The following USP15 variants were observed in gnomAD, a reference collection of about 807,000 sequenced individuals.
USP15 encodes the protein ubiquitin specific peptidase 15.
In USP15, 18 loss-of-function variants were observed where a neutral mutation model predicts 127.1. The observed-to-expected ratio is 0.14, with a 90% CI of 0.10 to 0.21. USP15 has a LOEUF of 0.21. USP15 is among the 10% of genes least tolerant of loss of function. The pLI is 1.00. For missense variants in USP15, 805 were observed against 1,159.9 expected (o/e 0.69, Z 4.44); for synonymous variants, 364 against 393.7 (o/e 0.92, Z 0.89).
chr12:62,317,784 A>T (rs1459316459), intron 4 of USP15, among the ~76,000 whole-genome samples: 1 of 152,210 alleles, frequency 6.6e-6, no homozygotes, highest in East Asian at 1.9e-4. Context: ...AGTAAAAATG[A>T]TAGCAGGCCA....
intron 1 of USP15, among the ~76,000 whole-genome samples, chr12:62,287,787 CCA>C (rs1329679616): frequency 6.6e-6 from 1 of 151,934 alleles, no homozygotes; most frequent in East Asian, 1.9e-4. Context: ...AAGTAGGGGC[CCA>C]GTTTCATTCT....
chr12:62,281,594 C>T (rs937393825), intron 1 of USP15, among the ~76,000 whole-genome samples: 17 of 152,178 alleles, frequency 1.1e-4, no homozygotes, highest in African/African-American at 3.9e-4. Flanking sequence ...CCATCTTGGC[C>T]TCCCACAGTG....
intron 8 of USP15, among the ~76,000 whole-genome samples, chr12:62,380,674 A>T (rs1044281703): frequency 8.5e-5 from 13 of 152,178 alleles, no homozygotes; most frequent in Admixed American, 5.9e-4. Context: ...TAGTCGTTGC[A>T]TATTATAGAC....
At chr12:62,288,316 T>C (rs1329232738) in intron 1 of USP15, among the ~76,000 whole-genome samples, 1 of 151,536 alleles carries the variant, frequency 6.6e-6, no homozygotes, top group East Asian at 1.9e-4. Context: ...TTTCACCTCC[T>C]TGATTAGATG....
In USP15 at chr12:62,404,314, A is replaced by G. The variant is rs778863963; in HGVS notation, c.2885A>G (p.Asp962Gly). 8.7e-6 allele frequency: 14 copies of G among 1,613,228 alleles called. No homozygotes were observed. Among genetic ancestry groups the G allele is most frequent in the Non-Finnish European group, 1.2e-5 (14 of 1,179,326 alleles). The change falls in exon 22 of 22, where the codon GAT becomes GGT. Residue 962 changes from aspartate (D) to glycine (G), a missense_variant. Asp to Gly is a moderately conservative substitution (Grantham distance 94). Transcript: ENST00000280377. The part of the protein sequence containing the change: ...SAATGIPLES[D>G]EDSNDNDNDI... ...GCCACTGGCATCCCATTAGAAAGTG[A>G]TGAAGATAGCAATGATAATGACAAT... is the stretch of plus-strand genomic sequence containing the variant.
chr12:62,380,429 T>A (rs952377515), intron 8 of USP15, among the ~76,000 whole-genome samples: 10 of 152,060 alleles, frequency 6.6e-5, no homozygotes, highest in Non-Finnish European at 1.0e-4. Context: ...CTGTGTGAAT[T>A]CAACAGGCTG....
intron 8 of USP15, among the ~76,000 whole-genome samples, chr12:62,379,013 A>C (rs2066911959): frequency 6.6e-6 from 1 of 152,070 alleles, no homozygotes; most frequent in Non-Finnish European, 1.5e-5. Flanking sequence ...GCTTTCATGG[A>C]GGTCTCAGTT....
chr12:62,408,572 T>A lies in USP15; in HGVS notation c.*4197T>A, dbSNP rs2067951548. On this transcript the variant is annotated 3_prime_UTR_variant, in exon 22 of 22. Transcript: ENST00000280377. ...TTTACTTTACAAAAAAATAAAAAAT[T>A]TTTTGCTCTTTGAATAACTTAACAT... 1 of 152,102 alleles carries A rather than the reference T, an allele frequency of 6.6e-6. No homozygotes were observed. The highest frequency in any genetic ancestry group is 6.6e-5 in the Admixed American group (1 of 15,256). 9.4% of individuals were successfully genotyped at this position (152,102 alleles called of 1,614,324 possible).
Position 62,384,330 on chromosome 12 carries a change from T to G in USP15, c.1473+28T>G, listed in dbSNP as rs747160001. ...AAATCATGGGTTGGTTTGTTTTGTT[T>G]TTTTTTTTTTTTTTTTGCATTTGTT... On this transcript the variant is annotated intron_variant, in intron 11 of 21. Coordinates refer to ENST00000280377, the MANE Select transcript of USP15 (RefSeq NM_001252078.2). 293 of 193,700 alleles carry G rather than the reference T, an allele frequency of 1.5e-3. 2 individuals carry two copies. In the African/African-American group the frequency reaches 0.083, roughly 55 times the overall value. 12.0% of individuals were successfully genotyped at this position (193,700 alleles called of 1,614,324 possible). A position where few individuals can be genotyped will look rare whatever the true frequency, so the allele number is the denominator to read the frequency against.
At chr12:62,357,073 C>G (rs1483481707) in intron 8 of USP15, among the ~76,000 whole-genome samples, 3 of 151,876 alleles carry the variant, frequency 2.0e-5, no homozygotes, top group Non-Finnish European at 4.4e-5. Flanking sequence ...TTTAGAAAAC[C>G]AATCTTGGTG....
At chr12:62,273,794 A>G (rs1045430351) in intron 1 of USP15, among the ~76,000 whole-genome samples, 2 of 152,060 alleles carry the variant, frequency 1.3e-5, no homozygotes, top group Non-Finnish European at 2.9e-5. Context: ...CTCTTATTCT[A>G]CGAAGTTTCT....
intron 8 of USP15, among the ~76,000 whole-genome samples, chr12:62,369,837 A>G (rs1282443749): frequency 1.3e-5 from 2 of 152,218 alleles, no homozygotes; most frequent in Non-Finnish European, 2.9e-5. Context: ...TGAAACATAC[A>G]TTTAGCTTCC....
intron 2 of USP15, among the ~76,000 whole-genome samples, chr12:62,301,643 C>T (rs1377895546): frequency 6.6e-6 from 1 of 152,098 alleles, no homozygotes; most frequent in Non-Finnish European, 1.5e-5. Flanking sequence ...TCTATAGTAA[C>T]AGAAAGCAAG....
At chr12:62,339,635 G>A (rs905187949) in intron 6 of USP15, among the ~76,000 whole-genome samples, 4 of 152,138 alleles carry the variant, frequency 2.6e-5, no homozygotes, top group Non-Finnish European at 5.9e-5. Context: ...TGCATCTATT[G>A]AGTTACTTAT....
At chr12:62,369,169 A>G (rs758448009) in intron 8 of USP15, among the ~76,000 whole-genome samples, 4 of 152,226 alleles carry the variant, frequency 2.6e-5, no homozygotes, top group Non-Finnish European at 5.9e-5. Context: ...TCATGGAAGC[A>G]AAGTTCTTTC....
chr12:62,293,884 A>G (rs976347169), intron 1 of USP15, among the ~76,000 whole-genome samples: 6 of 152,224 alleles, frequency 3.9e-5, no homozygotes, highest in South Asian at 2.1e-4. Context: ...TATTTTGACA[A>G]ATTCTTACGG....
At chr12:62,377,945 G>A (rs1325081335) in intron 8 of USP15, among the ~76,000 whole-genome samples, 1 of 152,012 alleles carries the variant, frequency 6.6e-6, no homozygotes, top group Non-Finnish European at 1.5e-5. Flanking sequence ...AGTGGCTCAT[G>A]ACTGTAATCC....
intron 8 of USP15, among the ~76,000 whole-genome samples, chr12:62,371,943 T>A (rs1222599119): frequency 5.9e-5 from 9 of 152,148 alleles, no homozygotes. Context: ...CTTAGTTTCT[T>A]CAGCTCTAAA....
At position 62,355,825 on chromosome 12, in the gene USP15, C is replaced by CTT. The variant is rs201572809; in HGVS notation, c.915+365_915+366dup. Among the ~76,000 whole-genome samples, 670 of 124,360 alleles carry CTT rather than the reference C, an allele frequency of 5.4e-3. 4 individuals carry two copies. Among genetic ancestry groups the CTT allele is most frequent in the Middle Eastern group, 0.013 (3 of 230 alleles). 81.6% of individuals were successfully genotyped at this position (124,360 alleles called of 152,430 possible). A position where few individuals can be genotyped will look rare whatever the true frequency, so the allele number is the denominator to read the frequency against. On this transcript the variant is annotated intron_variant, in intron 8 of 21. Coordinates refer to ENST00000280377, the MANE Select transcript of USP15 (RefSeq NM_001252078.2). ...TAGAAGTCTGTTGCACTTTTTTTTT[C>CTT]TTTTTTTTTTTTTTTTGTCTTAATG...
Sources: gnomAD v4.1 joint callset for allele counts (sites outside exome capture counted in the v4.1 genomes callset) on GRCh38, gnomAD v4.1.1 for gene constraint, MANE v1.5 for transcripts, NCBI Gene and HGNC (gene_info 2026-07-23, HGNC 2026-07-21) for gene names.